Variants in MACROD2 observed in about 807,000 individuals in gnomAD.
MACROD2 encodes mono-ADP ribosylhydrolase 2, also known as ADP-ribose glycohydrolase MACROD2.
A neutral mutation model predicts 70.4 loss-of-function variants in MACROD2; 36 were observed. The observed-to-expected ratio is 0.51, with a 90% CI of 0.39 to 0.68. The LOEUF (loss-of-function observed/expected upper bound fraction) is 0.68. MACROD2 is among the 30% of genes least tolerant of loss of function. The pLI, the probability that MACROD2 is intolerant of heterozygous loss-of-function variation, is 0.00. For synonymous variants in MACROD2, 172 were observed against 178.8 expected (o/e 0.96, Z 0.30); for missense variants, 496 against 538.4 (o/e 0.92, Z 0.78).
chr20:14,716,629 T>C (rs1291254048), intron 5 of MACROD2, among the ~76,000 whole-genome samples: 2 of 152,206 alleles, frequency 1.3e-5, no homozygotes, highest in Non-Finnish European at 2.9e-5. Context: ...GTTTCTGACT[T>C]GCAGAGAATC....
At chr20:15,195,268 A>C (rs1207326535) in intron 5 of MACROD2, among the ~76,000 whole-genome samples, 2 of 152,234 alleles carry the variant, frequency 1.3e-5, no homozygotes, top group Non-Finnish European at 2.9e-5. Context: ...TCTGCACAGC[A>C]AAAGAAACTA....
intron 3 of MACROD2, among the ~76,000 whole-genome samples, chr20:14,429,500 C>T (rs558588702): frequency 7.7e-4 from 117 of 152,254 alleles, no homozygotes; most frequent in African/African-American, 2.6e-3. Context: ...TTTAGAAGAT[C>T]AGAGAAAGCT....
chr20:14,666,698 A>G (rs539887039), intron 4 of MACROD2, among the ~76,000 whole-genome samples: 137 of 152,006 alleles, frequency 9.0e-4, no homozygotes, highest in Admixed American at 2.4e-3. Context: ...TTTCAGTTCT[A>G]GAGATTTCAT....
intron 8 of MACROD2, among the ~76,000 whole-genome samples, chr20:15,522,824 G>A (rs1440714971): frequency 6.6e-6 from 1 of 152,160 alleles, no homozygotes; most frequent in Non-Finnish European, 1.5e-5. Context: ...AGGGTTTCTG[G>A]TAGATATACG....
At chr20:14,359,741 A>T (rs1220166712) in intron 3 of MACROD2, among the ~76,000 whole-genome samples, 1 of 152,176 alleles carries the variant, frequency 6.6e-6, no homozygotes, top group Non-Finnish European at 1.5e-5. Context: ...ACACACCTAT[A>T]GTCTCAGCTA....
At chr20:14,909,198 T>C (rs1308488213) in intron 5 of MACROD2, among the ~76,000 whole-genome samples, 1 of 152,128 alleles carries the variant, frequency 6.6e-6, no homozygotes, top group East Asian at 1.9e-4. Flanking sequence ...ATTTAAGCCT[T>C]AACTCTCTTG....
chr20:15,624,594 TAAGTA>T (rs200184824), intron 8 of MACROD2, among the ~76,000 whole-genome samples: 1,710 of 152,184 alleles, frequency 0.011, 13 homozygotes, highest in South Asian at 0.017. Context: ...ACTGTTTTTA[TAAGTA>T]AAGTTTTATT....
chr20:14,244,937 T>G (rs1277633588), intron 3 of MACROD2, among the ~76,000 whole-genome samples: 1 of 152,230 alleles, frequency 6.6e-6, no homozygotes, highest in Non-Finnish European at 1.5e-5. Flanking sequence ...GGTAAACATT[T>G]TGTTTATTGA....
chr20:14,662,563 G>A (rs1035950072), intron 4 of MACROD2, among the ~76,000 whole-genome samples: 7 of 152,140 alleles, frequency 4.6e-5, no homozygotes, highest in Admixed American at 2.0e-4. Context: ...CCTACAGAAT[G>A]GGAGAAAATG....
intron 3 of MACROD2, among the ~76,000 whole-genome samples, chr20:14,335,910 T>G (rs2082928074): frequency 6.6e-6 from 1 of 152,188 alleles, no homozygotes; most frequent in Admixed American, 6.5e-5. Flanking sequence ...ATATCTCTGA[T>G]TTAATTTTCC....
At chr20:14,889,264 G>A (rs1252821424) in intron 5 of MACROD2, among the ~76,000 whole-genome samples, 1 of 152,018 alleles carries the variant, frequency 6.6e-6, no homozygotes, top group African/African-American at 2.4e-5. Context: ...AGGATATATC[G>A]GTAAACAAAA....
chr20:15,895,251 A>G (rs1289613565), intron 10 of MACROD2, among the ~76,000 whole-genome samples: 2 of 152,212 alleles, frequency 1.3e-5, no homozygotes, highest in African/African-American at 2.4e-5. Flanking sequence ...ATATGACTCA[A>G]TAATACAGCT....
chr20:15,276,889 A>T (rs191219200), intron 6 of MACROD2, among the ~76,000 whole-genome samples: 18 of 152,320 alleles, frequency 1.2e-4, no homozygotes, highest in African/African-American at 3.6e-4. Context: ...GCACTCAGTG[A>T]TTGGCGTAAT....
chr20:15,414,915 G>A (rs1186624265), intron 6 of MACROD2, among the ~76,000 whole-genome samples: 2 of 152,196 alleles, frequency 1.3e-5, no homozygotes, highest in African/African-American at 4.8e-5. Context: ...TTGCATTTTA[G>A]CAATATGCCT....
chr20:14,623,379 T>G (rs1983945029), intron 4 of MACROD2, among the ~76,000 whole-genome samples: 1 of 152,084 alleles, frequency 6.6e-6, no homozygotes, highest in African/African-American at 2.4e-5. Flanking sequence ...AACAGAAAGT[T>G]GAATAAGGGA....
At chr20:14,427,774 A>T (rs1396302531) in intron 3 of MACROD2, among the ~76,000 whole-genome samples, 1 of 152,136 alleles carries the variant, frequency 6.6e-6, no homozygotes, top group Non-Finnish European at 1.5e-5. Context: ...GTCAAATGGC[A>T]GAGCTGGAAG....
At chr20:14,198,269 A>G (rs771397628) in intron 3 of MACROD2, among the ~76,000 whole-genome samples, 16 of 152,166 alleles carry the variant, frequency 1.1e-4, no homozygotes, top group Non-Finnish European at 1.9e-4. Flanking sequence ...TGGTAATTTG[A>G]TATCTAATAG....
chr20:14,971,478 C>G (rs1452414672), intron 5 of MACROD2, among the ~76,000 whole-genome samples: 1 of 152,032 alleles, frequency 6.6e-6, no homozygotes, highest in Non-Finnish European at 1.5e-5. Flanking sequence ...TACTTATTCT[C>G]TCTAACTCTT....
intron 6 of MACROD2, among the ~76,000 whole-genome samples, chr20:15,399,584 G>A (rs2045902845): frequency 6.6e-6 from 1 of 152,160 alleles, no homozygotes; most frequent in African/African-American, 2.4e-5. Context: ...ATTTGTGCCT[G>A]TTATCCAGTC....
Sources: allele counts gnomAD v4.1 joint callset (sites outside exome capture counted in the v4.1 genomes callset), GRCh38; gene constraint gnomAD v4.1.1; transcripts MANE v1.5; gene names NCBI Gene and HGNC (gene_info 2026-07-23, HGNC 2026-07-21).